Variants in CDH20 observed in about 807,000 individuals in gnomAD.
CDH20 encodes cadherin 20.
Under a neutral mutation model 74.2 loss-of-function variants are expected in CDH20, and 29 were observed. The ratio of observed to expected loss-of-function variants is 0.39; its 90% CI spans 0.29 to 0.53. The LOEUF (loss-of-function observed/expected upper bound fraction) is 0.53, where lower values mean the gene tolerates loss of function less well. CDH20 is among the 20% of genes least tolerant of loss of function. The pLI is 0.69. For missense variants in CDH20, 988 were observed against 1,048.3 expected, an observed-to-expected ratio of 0.94 and a Z score of 0.79; for synonymous variants, 469 against 405.4, an observed-to-expected ratio of 1.16 and a Z score of -1.88.
chr18:61,360,161 G>A (rs546689992), intron 1 of CDH20, among the ~76,000 whole-genome samples: 2 of 152,262 alleles, frequency 1.3e-5, no homozygotes, highest in South Asian at 4.2e-4. Flanking sequence ...ATGGGTTACT[G>A]TGGAGCCTGG....
intron 1 of CDH20, among the ~76,000 whole-genome samples, chr18:61,379,302 A>G (rs1442000922): frequency 6.6e-6 from 1 of 152,216 alleles, no homozygotes; most frequent in East Asian, 1.9e-4. Context: ...ACAGCTGTGA[A>G]GCATTATTAT....
At position 61,554,262 on chromosome 18, in the gene CDH20, T is replaced by A; in HGVS notation, c.1973T>A (p.Ile658Asn). ...QPYIIDDEEN[I>N]HENIVRYDDE... ...TACATCATCGACGACGAGGAAAACATCCACGAGAACATCGTCCGCTACGAC... is the reference window on the plus strand; with the variant it reads ...TACATCATCGACGACGAGGAAAACAACCACGAGAACATCGTCCGCTACGAC... The change falls in exon 12 of 12, where the codon ATC (isoleucine) becomes AAC (asparagine). Residue 658 changes from isoleucine (I) to asparagine (N), a missense_variant. By Grantham distance (149) the Ile-to-Asn change is moderately radical. This residue lies in a region of CDH20 where 375 missense variants were observed against 293.1 expected (regional missense o/e 1.28). Transcript: ENST00000262717. 1.9e-6 allele frequency: 3 copies of A among 1,613,892 alleles called. No homozygotes were observed. Among genetic ancestry groups the A allele is most frequent in the Non-Finnish European group, 2.5e-6 (3 of 1,179,972 alleles).
chr18:61,542,973 C>A (rs1174911872), intron 9 of CDH20, among the ~76,000 whole-genome samples: 1 of 152,140 alleles, frequency 6.6e-6, no homozygotes, highest in Non-Finnish European at 1.5e-5. Flanking sequence ...CCCACCAGGC[C>A]CCACCTCCAA....
chr18:61,457,919 AT>A (rs950546314), intron 1 of CDH20, among the ~76,000 whole-genome samples: 1 of 152,188 alleles, frequency 6.6e-6, no homozygotes, highest in African/African-American at 2.4e-5. Context: ...TAAAATGTAG[AT>A]TATCAGTGAA....
chr18:61,466,185 T>C (rs538238617), intron 1 of CDH20, among the ~76,000 whole-genome samples: 5 of 152,044 alleles, frequency 3.3e-5, no homozygotes, highest in African/African-American at 1.2e-4. Flanking sequence ...AATAGTAACA[T>C]TACTTTTTTT....
In CDH20 at chr18:61,466,965, G is replaced by A. The variant is rs140827922; in HGVS notation, c.-152-23437G>A. ...CCCTTCCATACTCCCAGCAAACAAT[G>A]TGCTTGGCCTGGCTTGGCTCAGTGT... On this transcript the variant is annotated intron_variant, in intron 1 of 11. Transcript: ENST00000262717. 5.2e-4 allele frequency among the ~76,000 whole-genome samples: 79 copies of A among 152,250 alleles called. No homozygotes were observed. The East Asian group carries it at 0.012, about 22-fold the overall frequency.
Position 61,488,435 on chromosome 18 carries a change from C to T in CDH20, c.-152-1967C>T, listed in dbSNP as rs77962657. Among the ~76,000 whole-genome samples, 342 of 152,260 alleles carry T rather than the reference C, an allele frequency of 2.2e-3. 7 individuals carry two copies. In the East Asian group the frequency reaches 0.05, roughly 22 times the overall value. On this transcript the variant is annotated intron_variant, in intron 1 of 11. Coordinates refer to ENST00000262717, the MANE Select transcript of CDH20 (RefSeq NM_031891.4). The stretch of plus-strand genomic sequence containing the variant: ...ATCTGACTGTTCAAATGTCGGTTGG[C>T]ACCTTAGTCATTTACAGGGCACTTT...
rs183080135 is a variant in CDH20 at position 61,444,815 on chromosome 18, C to G, written c.-152-45587C>G. 2.0e-3 allele frequency among the ~76,000 whole-genome samples: 301 copies of G among 152,232 alleles called. 5 individuals are homozygous for G. Among genetic ancestry groups the G allele is most frequent in the Non-Finnish European group, 2.6e-4 (18 of 68,004 alleles). On this transcript the variant is annotated intron_variant, in intron 1 of 11. Transcript: ENST00000262717. Reference sequence around the variant, plus strand: ...ACTTTCCTGCCAGTCTCTTGACCTCCCTTGTTCTCCATAATTTCAAATTCA... The same window carrying G: ...ACTTTCCTGCCAGTCTCTTGACCTCGCTTGTTCTCCATAATTTCAAATTCA...
intron 1 of CDH20, among the ~76,000 whole-genome samples, chr18:61,446,213 G>A (rs551061779): frequency 3.9e-5 from 6 of 152,092 alleles, no homozygotes; most frequent in Admixed American, 1.3e-4. Context: ...TTACAGACAC[G>A]TTGTAAAACT....
At chr18:61,454,600 C>A (rs1909509375) in intron 1 of CDH20, among the ~76,000 whole-genome samples, 3 of 152,182 alleles carry the variant, frequency 2.0e-5, no homozygotes, top group African/African-American at 7.2e-5. Context: ...GCCTTTCAGC[C>A]ACCCTCTTCT....
At chr18:61,452,130 G>C (rs1909412356) in intron 1 of CDH20, among the ~76,000 whole-genome samples, 1 of 152,046 alleles carries the variant, frequency 6.6e-6, no homozygotes, top group Non-Finnish European at 1.5e-5. Flanking sequence ...CAGTCCTCCA[G>C]TGATATCTCC....
intron 1 of CDH20, among the ~76,000 whole-genome samples, chr18:61,402,138 C>T (rs866511207): frequency 1.3e-5 from 2 of 152,150 alleles, no homozygotes; most frequent in South Asian, 2.1e-4. Flanking sequence ...GACCTAGAAA[C>T]AGATAAATCA....
At chr18:61,427,731 C>T (rs79152083) in intron 1 of CDH20, among the ~76,000 whole-genome samples, 4,960 of 152,320 alleles carry the variant, frequency 0.033, 114 homozygotes, top group South Asian at 0.069. Flanking sequence ...ACAGCACTAG[C>T]TGGTTGATCA....
rs148175272 is a variant in CDH20 at position 61,380,025 on chromosome 18, A to G, written c.-153+46198A>G. Among the ~76,000 whole-genome samples, 8 of 152,344 alleles carry G rather than the reference A, an allele frequency of 5.3e-5. No homozygotes were observed. The East Asian group carries it at 1.5e-3, about 29-fold the overall frequency. On this transcript the variant is annotated intron_variant, in intron 1 of 11. Coordinates refer to ENST00000262717, the MANE Select transcript of CDH20 (RefSeq NM_031891.4). ...GCATCCTTGTCAGGATTCTTAATGC[A>G]GGCAGACACGCGGATGTTTATTTTA...
intron 1 of CDH20, among the ~76,000 whole-genome samples, chr18:61,379,705 T>C (rs573559103): frequency 6.6e-6 from 1 of 152,326 alleles, no homozygotes; most frequent in Non-Finnish European, 1.5e-5. Flanking sequence ...GATATTTACA[T>C]TTATTTCCTC....
intron 1 of CDH20, among the ~76,000 whole-genome samples, chr18:61,414,419 A>C (rs1239058876): frequency 6.6e-6 from 1 of 152,202 alleles, no homozygotes; most frequent in Non-Finnish European, 1.5e-5. Flanking sequence ...TAGCTCCAAA[A>C]GAACTAAAGG....
At chr18:61,474,182 C>A (rs1269480556) in intron 1 of CDH20, among the ~76,000 whole-genome samples, 1 of 152,152 alleles carries the variant, frequency 6.6e-6, no homozygotes, top group African/African-American at 2.4e-5. Context: ...CAGGAGATTT[C>A]TAAATCTCCC....
intron 8 of CDH20, 124 bp from the exon 9 acceptor site, chr18:61,538,900 G>C: frequency 9.6e-7 from 1 of 1,039,366 alleles, no homozygotes. Flanking sequence ...CCAAAGTGCT[G>C]GGATTACAGG....
intron 1 of CDH20, among the ~76,000 whole-genome samples, chr18:61,336,100 TA>T (rs1056273591): frequency 1.3e-5 from 2 of 152,180 alleles, no homozygotes; most frequent in Non-Finnish European, 2.9e-5. Flanking sequence ...GGGGAACTGT[TA>T]CACAGGGTTC....
Sources: allele counts gnomAD v4.1 joint callset (sites outside exome capture counted in the v4.1 genomes callset), GRCh38; gene constraint gnomAD v4.1.1; regional missense constraint gnomAD v4.1.1; transcripts MANE v1.5; gene names NCBI Gene and HGNC (gene_info 2026-07-23, HGNC 2026-07-21).